IL1RAPL2: variants seen among roughly 807,000 people sequenced by gnomAD.
IL1RAPL2 encodes X-linked interleukin-1 receptor accessory protein-like 2.
In IL1RAPL2, 3 loss-of-function variants were observed where a neutral mutation model predicts 44.1. The observed-to-expected ratio is 0.07, with a 90% CI of 0.03 to 0.18. The LOEUF is 0.18. IL1RAPL2 is among the 10% of genes least tolerant of loss of function. The pLI, the probability that IL1RAPL2 is intolerant of heterozygous loss-of-function variation, is 1.00. For synonymous variants in IL1RAPL2, 181 were observed against 178.8 expected, an observed-to-expected ratio of 1.01 and a Z score of -0.10; for missense variants, 391 against 496.4, an observed-to-expected ratio of 0.79 and a Z score of 2.02.
intron 2 of IL1RAPL2, among the ~76,000 whole-genome samples, chrX:105,114,421 T>G (rs2032832183): frequency 8.9e-6 from 1 of 112,032 alleles, no homozygotes; most frequent in Non-Finnish European, 1.9e-5. Flanking sequence ...CTGTTTGGAG[T>G]TTTAGGATTG....
intron 6 of IL1RAPL2, among the ~76,000 whole-genome samples, chrX:105,513,513 C>T (rs1437275825): frequency 8.9e-6 from 1 of 111,928 alleles, no homozygotes; most frequent in African/African-American, 3.2e-5. Flanking sequence ...ATTTCTCTAA[C>T]GACCAGTGAT....
chrX:104,936,673 A>G (rs1276051141), intron 2 of IL1RAPL2, among the ~76,000 whole-genome samples: 1 of 99,652 alleles, frequency 1.0e-5, no homozygotes, highest in African/African-American at 3.9e-5. Flanking sequence ...CCCAGGCTAG[A>G]GTGCAATGGC....
chrX:105,626,990 G>T (rs1255087472), intron 6 of IL1RAPL2, among the ~76,000 whole-genome samples: 4 of 110,979 alleles, frequency 3.6e-5, no homozygotes, highest in Non-Finnish European at 7.6e-5. Flanking sequence ...AAAACCTAGT[G>T]CAATAATAAC....
intron 5 of IL1RAPL2, among the ~76,000 whole-genome samples, chrX:105,429,948 G>C (rs2035836843): frequency 9.0e-6 from 1 of 110,999 alleles, no homozygotes; most frequent in Admixed American, 9.6e-5. Flanking sequence ...GCATCTGTTG[G>C]TCAACTGTGA....
At chrX:105,316,040 A>C (rs1001433714) in intron 5 of IL1RAPL2, among the ~76,000 whole-genome samples, 1 of 110,957 alleles carries the variant, frequency 9.0e-6, no homozygotes, top group Non-Finnish European at 1.9e-5. Context: ...TTTGGAGGCC[A>C]AGGACGGCGG....
intron 2 of IL1RAPL2, among the ~76,000 whole-genome samples, chrX:104,671,497 A>G (rs1388179558): frequency 9.0e-6 from 1 of 110,695 alleles, no homozygotes; most frequent in Non-Finnish European, 1.9e-5. Flanking sequence ...CCATCGACCC[A>G]CCTCTTCCAG....
intron 2 of IL1RAPL2, among the ~76,000 whole-genome samples, chrX:105,070,729 A>ATG (rs746238792): frequency 0.042 from 4,351 of 104,751 alleles, 148 homozygotes; most frequent in African/African-American, 0.1. Context: ...ATATATATTT[A>ATG]TGTGTGTGTG....
chrX:104,647,833 A>C (rs1242835212), intron 1 of IL1RAPL2: 1 of 564,162 alleles, frequency 1.8e-6, no homozygotes, highest in Non-Finnish European at 3.2e-6. Flanking sequence ...ATGGGATAGG[A>C]AAGTGAGTCC....
At chrX:105,343,880 C>CTTTTTTTTTTTT (rs755496552) in intron 5 of IL1RAPL2, among the ~76,000 whole-genome samples, 1 of 100,468 alleles carries the variant, frequency 1.0e-5, no homozygotes, top group African/African-American at 3.7e-5. Context: ...TCAAAGTTTT[C>CTTTTTTTTTTTT]TTTTTTTTTT....
At chrX:105,052,548 T>G (rs996758559) in intron 2 of IL1RAPL2, among the ~76,000 whole-genome samples, 7 of 111,602 alleles carry the variant, frequency 6.3e-5, no homozygotes, top group African/African-American at 2.3e-4. Context: ...GTTAGAAAAA[T>G]AAAGAAAGCA....
chrX:104,949,342 T>A (rs778029139), intron 2 of IL1RAPL2, among the ~76,000 whole-genome samples: 9 of 111,478 alleles, frequency 8.1e-5, no homozygotes, highest in East Asian at 5.6e-4. Flanking sequence ...GCAGTCTATC[T>A]ATTTTGTTGA....
intron 2 of IL1RAPL2, among the ~76,000 whole-genome samples, chrX:104,990,728 A>G (rs1451336148): frequency 1.3e-4 from 14 of 111,971 alleles, no homozygotes; most frequent in Non-Finnish European, 2.6e-4. Context: ...TCAATAAGGC[A>G]AAAGCATTAT....
chrX:105,172,305 A>G (rs1458110283), intron 2 of IL1RAPL2, among the ~76,000 whole-genome samples: 1 of 112,479 alleles, frequency 8.9e-6, no homozygotes, highest in Non-Finnish European at 1.9e-5. Context: ...GATTATCACA[A>G]ATTTAGAAGA....
chrX:105,262,970 C>T (rs781336465), intron 4 of IL1RAPL2, among the ~76,000 whole-genome samples: 58 of 110,157 alleles, frequency 5.3e-4, no homozygotes, highest in Non-Finnish European at 7.6e-5. Flanking sequence ...ATTGCAACCT[C>T]TGCCTCCTGG....
At chrX:105,448,018 C>T (rs900770423) in intron 5 of IL1RAPL2, among the ~76,000 whole-genome samples, 10 of 103,837 alleles carry the variant, frequency 9.6e-5, no homozygotes, top group African/African-American at 1.4e-4. Flanking sequence ...TACTATTCTA[C>T]GGTAAAAGGT....
chrX:104,858,485 T>C (rs1231039082), intron 2 of IL1RAPL2, among the ~76,000 whole-genome samples: 2 of 112,017 alleles, frequency 1.8e-5, no homozygotes, highest in Admixed American at 9.5e-5. Context: ...AACAAACTTG[T>C]AAACAAATTC....
At chrX:105,324,632 A>C (rs193193328) in intron 5 of IL1RAPL2, among the ~76,000 whole-genome samples, 3 of 111,999 alleles carry the variant, frequency 2.7e-5, no homozygotes, top group African/African-American at 9.7e-5. Context: ...GCAATTTCAC[A>C]TACATTGTTC....
chrX:105,588,536 C>T (rs1296569661), intron 6 of IL1RAPL2, among the ~76,000 whole-genome samples: 2 of 103,181 alleles, frequency 1.9e-5, no homozygotes, highest in Non-Finnish European at 3.9e-5. Flanking sequence ...TTTTCATCCT[C>T]CTCCCCAACC....
intron 5 of IL1RAPL2, among the ~76,000 whole-genome samples, chrX:105,286,534 C>CA (rs1327080813): frequency 5.7e-5 from 6 of 105,470 alleles, no homozygotes; most frequent in Admixed American, 1.0e-4. Context: ...TTGTATCCTG[C>CA]AAAAAAAATG....
Sources: gnomAD v4.1 joint callset for allele counts (sites outside exome capture counted in the v4.1 genomes callset) on GRCh38, gnomAD v4.1.1 for gene constraint, MANE v1.5 for transcripts, NCBI Gene and HGNC (gene_info 2026-07-23, HGNC 2026-07-21) for gene names.